CDH13: variants seen among roughly 807,000 people sequenced by gnomAD.
CDH13 encodes the protein cadherin-13.
A neutral mutation model predicts 63.8 loss-of-function variants in CDH13; 24 were observed. The observed-to-expected ratio is 0.38, with a 90% CI of 0.27 to 0.53. CDH13 has a LOEUF of 0.53. Among genes scored for constraint, CDH13 ranks in the 20% least tolerant of loss-of-function variants. The pLI is 0.85. For missense variants in CDH13, 1,049 were observed against 903.1 expected (o/e 1.16, Z -2.07); for synonymous variants, 503 against 355.3 (o/e 1.42, Z -4.67).
At chr16:82,970,773 C>T (rs1404559044) in intron 2 of CDH13, among the ~76,000 whole-genome samples, 3 of 152,058 alleles carry the variant, frequency 2.0e-5, no homozygotes, top group East Asian at 3.9e-4. Context: ...TTACCAAAGT[C>T]CCCTCTATTA....
At chr16:83,735,765 C>G (rs1454532864) in intron 10 of CDH13, 1 of 152,152 alleles carries the variant, frequency 6.6e-6, no homozygotes, top group African/African-American at 2.4e-5. Context: ...CTCATGAGGT[C>G]TGCTGACCAG....
At chr16:83,620,317 G>A (rs1341051584) in intron 8 of CDH13, among the ~76,000 whole-genome samples, 1 of 150,358 alleles carries the variant, frequency 6.7e-6, no homozygotes, top group Admixed American at 6.7e-5. Flanking sequence ...TTTGAACCCA[G>A]GAGGCGGAGG....
chr16:83,685,352 ATAAC>A (rs1247006884), intron 10 of CDH13, among the ~76,000 whole-genome samples: 2 of 152,204 alleles, frequency 1.3e-5, no homozygotes, highest in Non-Finnish European at 2.9e-5. Flanking sequence ...TGCTTAATAA[ATAAC>A]TACAGGGTAC....
At chr16:82,748,428 C>T (rs1224431878) in intron 1 of CDH13, among the ~76,000 whole-genome samples, 1 of 152,130 alleles carries the variant, frequency 6.6e-6, no homozygotes, top group East Asian at 1.9e-4. Flanking sequence ...TCAAGATGGG[C>T]TATGGGAATC....
At chr16:83,345,263 C>T (rs2090816043) in intron 6 of CDH13, among the ~76,000 whole-genome samples, 1 of 152,198 alleles carries the variant, frequency 6.6e-6, no homozygotes, top group South Asian at 2.1e-4. Flanking sequence ...GTCTCTAAGG[C>T]ATGGCCGATG....
chr16:82,765,270 G>A (rs544515311), intron 1 of CDH13, among the ~76,000 whole-genome samples: 6 of 152,210 alleles, frequency 3.9e-5, no homozygotes, highest in African/African-American at 7.2e-5. Context: ...TTGAAGCTCC[G>A]ATTACCAAGA....
chr16:83,780,135 C>G lies in CDH13; in HGVS notation c.1849C>G (p.Pro617Ala). ...TAAGGATCTTCACCCGAATACAGAT[C>G]CTTTCAAATTTGAAATCCACAAACA... ...SDKDLHPNTD[P>A]FKFEIHKQAV... Residue 617 changes from proline (P) to alanine (A), a missense_variant, in exon 12 of 14, where the codon CCT (proline) becomes GCT (alanine). Pro to Ala is a conservative substitution (Grantham distance 27). Coordinates refer to ENST00000567109, the MANE Select transcript of CDH13 (RefSeq NM_001257.5). 6.2e-7 allele frequency: 1 copy of G among 1,613,062 alleles called. No individual in the cohort carries two copies.
chr16:82,934,483 A>T (rs2042602479), intron 2 of CDH13, among the ~76,000 whole-genome samples: 1 of 152,210 alleles, frequency 6.6e-6, no homozygotes, highest in African/African-American at 2.4e-5. Flanking sequence ...GATCTGTGAC[A>T]TGCCCTGCAA....
intron 7 of CDH13, among the ~76,000 whole-genome samples, chr16:83,513,777 T>A (rs1259989925): frequency 1.3e-5 from 2 of 152,076 alleles, no homozygotes; most frequent in African/African-American, 4.8e-5. Context: ...CAAGATGAGA[T>A]TTGGGTGGGG....
chr16:83,207,743 A>T (rs1377752602), intron 4 of CDH13, among the ~76,000 whole-genome samples: 1 of 150,722 alleles, frequency 6.6e-6, no homozygotes, highest in Non-Finnish European at 1.5e-5. Context: ...AATACTTAGA[A>T]ATTAACAAAT....
chr16:82,689,233 C>T (rs1454427714), intron 1 of CDH13, among the ~76,000 whole-genome samples: 2 of 151,030 alleles, frequency 1.3e-5, no homozygotes, highest in Non-Finnish European at 2.9e-5. Flanking sequence ...TGGTAGGATG[C>T]AGAAAATATC....
At chr16:83,668,399 G>A (rs972096362) in intron 8 of CDH13, among the ~76,000 whole-genome samples, 1 of 152,222 alleles carries the variant, frequency 6.6e-6, no homozygotes, top group African/African-American at 2.4e-5. Context: ...ACACTCATCT[G>A]CTTTGACAGA....
At chr16:83,655,929 C>A (rs1171791495) in intron 8 of CDH13, among the ~76,000 whole-genome samples, 1 of 152,202 alleles carries the variant, frequency 6.6e-6, no homozygotes, top group Non-Finnish European at 1.5e-5. Flanking sequence ...CTGAGCGGAG[C>A]TTCTGATGGC....
intron 2 of CDH13, among the ~76,000 whole-genome samples, chr16:82,862,481 A>G (rs34854025): frequency 0.057 from 8,636 of 152,300 alleles, 334 homozygotes; most frequent in Non-Finnish European, 0.09. Context: ...TCCAGCCTCT[A>G]TTAGCAGGGG....
At chr16:83,417,478 C>G (rs558521850) in intron 6 of CDH13, among the ~76,000 whole-genome samples, 31 of 152,292 alleles carry the variant, frequency 2.0e-4, no homozygotes, top group Middle Eastern at 3.4e-3. Context: ...CCCTGGTCAC[C>G]GTGCTCTTGC....
chr16:83,103,599 G>A (rs538752061), intron 3 of CDH13, among the ~76,000 whole-genome samples: 102 of 152,244 alleles, frequency 6.7e-4, no homozygotes, highest in African/African-American at 2.3e-3. Context: ...GAGGTAGAGT[G>A]GGTGATGGTC....
chr16:83,578,609 C>T (rs562335856), intron 7 of CDH13, among the ~76,000 whole-genome samples: 2 of 152,164 alleles, frequency 1.3e-5, no homozygotes. Context: ...CAGGCATTGA[C>T]TCCACTGATG....
intron 2 of CDH13, among the ~76,000 whole-genome samples, chr16:82,933,418 C>G (rs934237003): frequency 6.6e-6 from 1 of 152,086 alleles, no homozygotes; most frequent in Non-Finnish European, 1.5e-5. Context: ...CTCATGAGGT[C>G]CCTCCCCCAA....
chr16:83,666,505 A>T (rs1229848555), intron 8 of CDH13, among the ~76,000 whole-genome samples: 2 of 152,202 alleles, frequency 1.3e-5, no homozygotes, highest in African/African-American at 4.8e-5. Context: ...ATTAGGCTAC[A>T]CTTTGCTTTC....
Sources: gnomAD v4.1 joint callset for allele counts (sites outside exome capture counted in the v4.1 genomes callset) on GRCh38, gnomAD v4.1.1 for gene constraint, MANE v1.5 for transcripts, NCBI Gene and HGNC (gene_info 2026-07-23, HGNC 2026-07-21) for gene names.